Variants in EZR observed in about 807,000 individuals in gnomAD.
EZR encodes the protein cytovillin 2.
In EZR, 40 loss-of-function variants were observed where a neutral mutation model predicts 74.8. The observed-to-expected ratio is 0.53, with a 90% CI of 0.42 to 0.70. EZR has a LOEUF of 0.70. Ranked by LOEUF, EZR falls within the 30% of genes least tolerant of loss-of-function variation. The pLI is 0.00. For synonymous variants in EZR, 341 were observed against 283.3 expected, an observed-to-expected ratio of 1.20 and a Z score of -2.05; for missense variants, 678 against 755.8, an observed-to-expected ratio of 0.90 and a Z score of 1.21.
intron 2 of EZR, 38 bp downstream of exon 2, chr6:158,818,044 C>T (rs746522211): frequency 1.2e-6 from 2 of 1,606,634 alleles, no homozygotes; most frequent in South Asian, 1.1e-5. Context: ...CCAATGAAGC[C>T]TCTCCCGTCC....
intron 2 of EZR, among the ~76,000 whole-genome samples, chr6:158,793,283 G>C (rs1479645722): frequency 6.6e-6 from 1 of 151,938 alleles, no homozygotes; most frequent in Non-Finnish European, 1.5e-5. Flanking sequence ...TTCTGGCACT[G>C]CAGTAATAAA....
At chr6:158,799,028 A>C (rs1462783762) in intron 2 of EZR, among the ~76,000 whole-genome samples, 1 of 152,160 alleles carries the variant, frequency 6.6e-6, no homozygotes, top group African/African-American at 2.4e-5. Flanking sequence ...TCTTGGCTGA[A>C]CATCTCTCTC....
At position 158,791,472 on chromosome 6, in the gene EZR, A is replaced by G. The variant is rs1264233532; in HGVS notation, c.13-2101T>C. Among the ~76,000 whole-genome samples the G allele has an allele frequency of 3.9e-5, 6 of 152,238 alleles. No homozygotes were observed. The East Asian group carries it at 1.2e-3, about 29-fold the overall frequency. On this transcript the variant is annotated intron_variant, in intron 2 of 13. Coordinates refer to ENST00000367075, the MANE Select transcript of EZR (RefSeq NM_001111077.2). Reference sequence around the variant, plus strand: ...AACCAGCCCCAAGTCAAATATCTCAATAACAAATGCAGCTCCAGCTACATA... The same window carrying G: ...AACCAGCCCCAAGTCAAATATCTCAGTAACAAATGCAGCTCCAGCTACATA...
chr6:158,779,790 G>T (rs1791379762), intron 7 of EZR, among the ~76,000 whole-genome samples: 1 of 152,018 alleles, frequency 6.6e-6, no homozygotes. Flanking sequence ...AGCCCAGGCT[G>T]GTCTTGAACT....
At chr6:158,800,192 T>C (rs1212761241) in intron 2 of EZR, among the ~76,000 whole-genome samples, 12 of 152,198 alleles carry the variant, frequency 7.9e-5, no homozygotes, top group Admixed American at 7.9e-4. Flanking sequence ...AGAAGTAAAA[T>C]AGCAAGGTGG....
rs574588207 is a variant in EZR at position 158,794,562 on chromosome 6, A to T, written c.13-5191T>A. Among the ~76,000 whole-genome samples, 334 of 152,276 alleles carry T rather than the reference A, an allele frequency of 2.2e-3. 2 individuals are homozygous for T. Among genetic ancestry groups the T allele is most frequent in the African/African-American group, 7.7e-3 (319 of 41,540 alleles). ...AAAACTCAAGTCCATGGGCTTAAAC[A>T]CACCACCACACATATCCAAACTATG... is the stretch of plus-strand genomic sequence containing the variant. On this transcript the variant is annotated intron_variant, in intron 2 of 13. Transcript: ENST00000367075.
chr6:158,766,734 G>C lies in EZR; in HGVS notation c.*180C>G, dbSNP rs536303202. Reference sequence around the variant, plus strand: ...GCCTGCTTGGCACTATTACAACTGGGGAAAACAAACCAGGGCGCCTCCCTG... The same window carrying C: ...GCCTGCTTGGCACTATTACAACTGGCGAAAACAAACCAGGGCGCCTCCCTG... On this transcript the variant is annotated 3_prime_UTR_variant, in exon 14 of 14. Coordinates refer to ENST00000367075, the MANE Select transcript of EZR (RefSeq NM_001111077.2). 6.4e-5 allele frequency: 42 copies of C among 661,178 alleles called. No individual in the cohort carries two copies. The highest frequency in any genetic ancestry group is 1.0e-4 in the Admixed American group (4 of 38,878). 41.0% of individuals were successfully genotyped at this position (661,178 alleles called of 1,614,324 possible).
intron 2 of EZR, among the ~76,000 whole-genome samples, chr6:158,802,716 G>A (rs988480205): frequency 4.0e-5 from 5 of 124,060 alleles, no homozygotes; most frequent in Admixed American, 1.5e-4. Flanking sequence ...ATTTTTAGTA[G>A]AAACGGGGTT....
At chr6:158,799,436 T>C (rs953955782) in intron 2 of EZR, among the ~76,000 whole-genome samples, 1 of 152,238 alleles carries the variant, frequency 6.6e-6, no homozygotes, top group African/African-American at 2.4e-5. Flanking sequence ...TATTTACCTC[T>C]GCTGATTTAT....
At chr6:158,812,745 C>A (rs538264678) in intron 2 of EZR, among the ~76,000 whole-genome samples, 27 of 152,216 alleles carry the variant, frequency 1.8e-4, no homozygotes, top group Admixed American at 3.9e-4. Flanking sequence ...CACCTTCCCC[C>A]ACACCTGGTC....
chr6:158,780,534 G>C (rs1377723649), intron 7 of EZR, among the ~76,000 whole-genome samples: 1 of 152,170 alleles, frequency 6.6e-6, no homozygotes, highest in African/African-American at 2.4e-5. Flanking sequence ...GGAATTTAAA[G>C]AAGAGACATG....
chr6:158,814,118 TG>T (rs1777503246), intron 2 of EZR, among the ~76,000 whole-genome samples: 1 of 152,168 alleles, frequency 6.6e-6, no homozygotes, highest in Admixed American at 6.5e-5. Flanking sequence ...CACCATGTCC[TG>T]GGGACTGGCC....
chr6:158,800,941 T>TC, intron 2 of EZR, among the ~76,000 whole-genome samples: 1 of 152,214 alleles, frequency 6.6e-6, no homozygotes. Flanking sequence ...TATGACCTCT[T>TC]CTTTTAAGGT....
chr6:158,769,526 G>A (rs1791029087), intron 11 of EZR, 108 bp from the exon 12 acceptor site: 1 of 1,161,596 alleles, frequency 8.6e-7, no homozygotes, highest in Non-Finnish European at 1.2e-6. Context: ...CGTGACACCT[G>A]AGTCCCCGCC....
At chr6:158,804,750 CCTTT>C (rs960595718) in intron 2 of EZR, among the ~76,000 whole-genome samples, 5 of 81,142 alleles carry the variant, frequency 6.2e-5, no homozygotes, top group East Asian at 2.0e-4. Flanking sequence ...AAGAGTTTTT[CCTTT>C]CTTTTTTTCT....
At chr6:158,814,634 C>T (rs1299018177) in intron 2 of EZR, among the ~76,000 whole-genome samples, 1 of 151,778 alleles carries the variant, frequency 6.6e-6, no homozygotes, top group African/African-American at 2.4e-5. Context: ...ACCTTCACCT[C>T]CCAGGTTCAA....
chr6:158,818,102 T>G lies in EZR; in HGVS notation c.-9A>C, dbSNP rs371157292. The G allele has an allele frequency of 1.2e-5, 20 of 1,608,300 alleles. No individual in the cohort carries two copies. The highest frequency in any genetic ancestry group is 1.7e-5 in the Non-Finnish European group (20 of 1,176,186). ...CTTACTGGTTTCGGCATTTTCGGTT[T>G]CTGGTGAGTATCCTCGATCCCCGAA... On this transcript the variant is annotated 5_prime_UTR_variant, in exon 2 of 14. Transcript: ENST00000367075.
At chr6:158,812,646 A>G (rs887148238) in intron 2 of EZR, among the ~76,000 whole-genome samples, 1 of 152,220 alleles carries the variant, frequency 6.6e-6, no homozygotes, top group Non-Finnish European at 1.5e-5. Context: ...TTTGGGGGGC[A>G]GTGGATGTAG....
rs755266307 is a variant in EZR at position 158,767,311 on chromosome 6, TCTC to T, written c.1543_1545del (p.Glu515del). ...TTCTTCTCTGCCTCAGTGATGCGCT[TCTC>T]CTCATTGCGGTCATCCCGGATGCCC... On this transcript the variant is annotated inframe_deletion, in exon 13 of 14. Transcript: ENST00000367075. The T allele has an allele frequency of 9.3e-6, 15 of 1,614,014 alleles. No individual in the cohort carries two copies. Among genetic ancestry groups the T allele is most frequent in the African/African-American group, 4.0e-5 (3 of 74,916 alleles).
Sources: gnomAD v4.1 joint callset for allele counts (sites outside exome capture counted in the v4.1 genomes callset) on GRCh38, gnomAD v4.1.1 for gene constraint, MANE v1.5 for transcripts, NCBI Gene and HGNC (gene_info 2026-07-23, HGNC 2026-07-21) for gene names.